The following SERINC2 variants were observed in gnomAD, a reference collection of about 807,000 sequenced individuals.
SERINC2 encodes the protein tumor differentially expressed protein 2.
In SERINC2, 56 loss-of-function variants were observed where a neutral mutation model predicts 54.2. The ratio of observed to expected loss-of-function variants is 1.03; its 90% CI spans 0.83 to 1.29. The LOEUF (loss-of-function observed/expected upper bound fraction) is 1.29. Ranked by LOEUF, SERINC2 falls within the 50% of genes most tolerant of loss-of-function variation. The pLI, the probability that SERINC2 is intolerant of heterozygous loss-of-function variation, is 0.00. For missense variants in SERINC2, 614 were observed against 607.4 expected, an observed-to-expected ratio of 1.01 and a Z score of -0.12; for synonymous variants, 272 against 253.1, an observed-to-expected ratio of 1.07 and a Z score of -0.71.
chr1:31,428,478 G>T (rs72660859), intron 6 of SERINC2, among the ~76,000 whole-genome samples: 4,212 of 152,318 alleles, frequency 0.028, 88 homozygotes, highest in South Asian at 0.077. Context: ...ATGAAAGAGG[G>T]TGTGGGCTGA....
intron 9 of SERINC2, among the ~76,000 whole-genome samples, chr1:31,433,776 C>G (rs1553135240): frequency 6.6e-6 from 1 of 151,998 alleles, no homozygotes; most frequent in Non-Finnish European, 1.5e-5. Flanking sequence ...CTCCAGGGTC[C>G]CAAGTTCAGA....
At chr1:31,431,317 G>C (rs1324631379) in intron 8 of SERINC2, among the ~76,000 whole-genome samples, 1 of 74,176 alleles carries the variant, frequency 1.3e-5, no homozygotes, top group Non-Finnish European at 3.1e-5. Flanking sequence ...TTTTTTTTTT[G>C]TAGAGACACT....
Position 31,413,903 on chromosome 1 carries a change from G to GCCCC in SERINC2, c.39+599_39+600insCCCC. 1 of 1,454,904 alleles carries GCCCC rather than the reference G, an allele frequency of 6.9e-7. No individual in the cohort carries two copies. Among genetic ancestry groups the GCCCC allele is most frequent in the Non-Finnish European group, 9.0e-7 (1 of 1,112,314 alleles). 90.1% of individuals were successfully genotyped at this position (1,454,904 alleles called of 1,614,324 possible). A position where few individuals can be genotyped will look rare whatever the true frequency, so the allele number is the denominator to read the frequency against. ...TGTCCGTCTGCCCGTCCGCCCGTCC[G>GCCCC]TCCCTCAGTCTCTCTGCGGTCCCTT... On this transcript the variant is annotated intron_variant, in intron 1 of 9. Coordinates refer to ENST00000373709, the MANE Select transcript of SERINC2 (RefSeq NM_178865.5). The surrounding 1 kb of genome is among the most constrained non-coding windows in gnomAD (Gnocchi z 5.0).
chr1:31,425,790 G>A lies in SERINC2; in HGVS notation c.487G>A (p.Gly163Ser), dbSNP rs201000290. 54 of 1,613,234 alleles carry A rather than the reference G, an allele frequency of 3.3e-5. No homozygotes were observed. In the South Asian group the frequency reaches 4.6e-4, roughly 14 times the overall value. ...GSFTNIWFYF[G>S]VVGSFLFILI... ...TCCCCACCCAGTCTGGTTCTACTTC[G>A]GCGTCGTGGGCTCCTTCCTCTTCAT... Residue 163 changes from glycine to serine, a missense_variant, in exon 5 of 10, where the codon GGC becomes AGC. By Grantham distance (56) the Gly-to-Ser change is moderately conservative. Coordinates refer to ENST00000373709, the MANE Select transcript of SERINC2 (RefSeq NM_178865.5).
Position 31,428,068 on chromosome 1 carries a change from C to G in SERINC2, c.781-910C>G, listed in dbSNP as rs550256230. Among the ~76,000 whole-genome samples, 7 of 151,216 alleles carry G rather than the reference C, an allele frequency of 4.6e-5. No individual in the cohort carries two copies. The East Asian group carries it at 1.4e-3, about 30-fold the overall frequency. ...TTTGTTTTTTTGAGACAGAATCTTG[C>G]TCTGTCACTTAGGCTGGAGTGCAGT... On this transcript the variant is annotated intron_variant, in intron 6 of 9. Coordinates refer to ENST00000373709, the MANE Select transcript of SERINC2 (RefSeq NM_178865.5).
Position 31,419,902 on chromosome 1 carries a change from C to T in SERINC2, c.40-3791C>T, listed in dbSNP as rs148578678. 8.6e-4 allele frequency among the ~76,000 whole-genome samples: 128 copies of T among 149,454 alleles called. 1 individual carries two copies. In the East Asian group the frequency reaches 0.014, roughly 16 times the overall value. On this transcript the variant is annotated intron_variant, in intron 1 of 9. Transcript: ENST00000373709. ...CTGGTGCCTGTGGTCCCAGCTACTC[C>T]GGAGGCTGAGGTAGGAGGATTGCTT...
intron 2 of SERINC2, 143 bp from the exon 3 acceptor site, chr1:31,424,540 C>A (rs1640981145): frequency 3.0e-6 from 2 of 667,484 alleles, no homozygotes; most frequent in Non-Finnish European, 5.1e-6. Context: ...AGGTGAGGGG[C>A]TCCCCTCCCT....
chr1:31,433,095 A>T lies in SERINC2; in HGVS notation c.1142A>T (p.Gln381Leu). 1 of 1,613,684 alleles carries T rather than the reference A, an allele frequency of 6.2e-7. No individual in the cohort carries two copies. Reference protein sequence around the residue: ...ACEGRAFDNEQDGVTYSYSFF... With the variant: ...ACEGRAFDNELDGVTYSYSFF... Reference sequence around the variant, plus strand: ...GAGGGCCGGGCCTTTGACAACGAGCAGGACGGCGTCACCTACAGCTACTCC... The same window carrying T: ...GAGGGCCGGGCCTTTGACAACGAGCTGGACGGCGTCACCTACAGCTACTCC... Residue 381 changes from glutamine (Q) to leucine (L), a missense_variant, in exon 9 of 10, where the codon CAG becomes CTG. Gln to Leu is a moderately radical substitution (Grantham distance 113). Transcript: ENST00000373709.
intron 9 of SERINC2, 78 bp downstream of exon 9, chr1:31,433,263 T>G: frequency 8.1e-7 from 1 of 1,235,550 alleles, no homozygotes; most frequent in South Asian, 1.3e-5. Flanking sequence ...GGCCCTTCAC[T>G]GGGTTTTCCT....
At chr1:31,432,204 A>AGTGGACAGGGTGGAGAGG (rs1641314910) in intron 8 of SERINC2, among the ~76,000 whole-genome samples, 1 of 46,426 alleles carries the variant, frequency 2.2e-5, no homozygotes, top group Non-Finnish European at 5.1e-5. Flanking sequence ...GAGTGGAGAG[A>AGTGGACAGGGTGGAGAGG]GTGGACAGGG....
At chr1:31,432,882 C>T in intron 8 of SERINC2, 85 bp from the exon 9 acceptor site, 1 of 1,081,886 alleles carries the variant, frequency 9.2e-7, no homozygotes, top group South Asian at 1.5e-5. Context: ...GGTCGCTGGC[C>T]TCTGAGGCTC....
chr1:31,432,221 G>C (rs1262786670), intron 8 of SERINC2, among the ~76,000 whole-genome samples: 1 of 151,758 alleles, frequency 6.6e-6, no homozygotes, highest in Non-Finnish European at 1.5e-5. Flanking sequence ...AGGGTGGAGA[G>C]GGTGGATAGG....
intron 1 of SERINC2, among the ~76,000 whole-genome samples, chr1:31,421,408 G>A (rs1003985707): frequency 1.3e-5 from 2 of 152,198 alleles, no homozygotes; most frequent in Non-Finnish European, 1.5e-5. Context: ...GGACAGCCAT[G>A]GATAGGAGGC....
intron 1 of SERINC2, among the ~76,000 whole-genome samples, chr1:31,415,540 G>A (rs952714465): frequency 2.6e-5 from 4 of 152,354 alleles, no homozygotes; most frequent in Admixed American, 1.3e-4. Flanking sequence ...GTAGTGAGCA[G>A]TATGTGTATG....
At chr1:31,422,356 G>A (rs1314678778) in intron 1 of SERINC2, among the ~76,000 whole-genome samples, 6 of 151,508 alleles carry the variant, frequency 4.0e-5, no homozygotes, top group Non-Finnish European at 8.8e-5. Context: ...TAAAAGATAC[G>A]GTCTCGCTAT....
rs782482661 is a variant in SERINC2 at position 31,424,863 on chromosome 1, A to T, written c.382A>T (p.Ile128Phe). 37 of 1,610,946 alleles carry T rather than the reference A, an allele frequency of 2.3e-5. No homozygotes were observed. In the Admixed American group the frequency reaches 6.2e-4, roughly 27 times the overall value. ...CAGCAGCCGGGACCCCCGGGCTGCC[A>T]TCCAGAATGGGTGAGAGAGGGGTCC... ...VSSSRDPRAAIQNGFWFFKFL... is the reference protein window; with the variant it reads ...VSSSRDPRAAFQNGFWFFKFL... Residue 128 changes from isoleucine to phenylalanine, a missense_variant, in exon 3 of 10, where the codon ATC (isoleucine) becomes TTC (phenylalanine). Coordinates refer to ENST00000373709, the MANE Select transcript of SERINC2 (RefSeq NM_178865.5).
Position 31,433,167 on chromosome 1 carries a change from C to A in SERINC2, c.1214C>A (p.Thr405Lys). The A allele has an allele frequency of 2.5e-6, 4 of 1,613,632 alleles. No homozygotes were observed. The highest frequency in any genetic ancestry group is 3.4e-6 in the Non-Finnish European group (4 of 1,179,946). Reference sequence around the variant, plus strand: ...CTGGCCTCACTGCACGTCATGATGACGCTCACCAACTGGTACAAGTGCGTA... The same window carrying A: ...CTGGCCTCACTGCACGTCATGATGAAGCTCACCAACTGGTACAAGTGCGTA... ...LVLASLHVMM[T>K]LTNWYKPGET... is the part of the protein sequence containing the mutation. Residue 405 changes from threonine (T) to lysine (K), a missense_variant, in exon 9 of 10, where the codon ACG (threonine) becomes AAG (lysine). Thr to Lys is a moderately conservative substitution (Grantham distance 78). Coordinates refer to ENST00000373709, the MANE Select transcript of SERINC2 (RefSeq NM_178865.5).
chr1:31,430,302 C>A (rs545481796), intron 8 of SERINC2, among the ~76,000 whole-genome samples: 1 of 151,968 alleles, frequency 6.6e-6, no homozygotes, highest in South Asian at 2.1e-4. Context: ...TCTCTTGGGC[C>A]CAGGAGATTG....
intron 4 of SERINC2, among the ~76,000 whole-genome samples, 178 bp from the exon 5 acceptor site, chr1:31,425,598 G>T (rs757289725): frequency 6.6e-6 from 1 of 152,202 alleles, no homozygotes; most frequent in Non-Finnish European, 1.5e-5. Context: ...CCCAGGGGTA[G>T]GGGGAGCTGT....
Sources: gnomAD v4.1 joint callset for allele counts (sites outside exome capture counted in the v4.1 genomes callset) on GRCh38, gnomAD v4.1.1 for gene constraint, Gnocchi (gnomAD v3.1) non-coding constraint, MANE v1.5 for transcripts, NCBI Gene and HGNC (gene_info 2026-07-23, HGNC 2026-07-21) for gene names.